Variants in ATP9A observed in about 807,000 individuals in gnomAD.
ATP9A encodes ATPase phospholipid transporting 9A.
Under a neutral mutation model 144.1 loss-of-function variants are expected in ATP9A, and 52 were observed. That is an observed-to-expected ratio of 0.36 (90% CI 0.29 to 0.45). ATP9A has a LOEUF of 0.45. Among genes scored for constraint, ATP9A ranks in the 20% least tolerant of loss-of-function variants. The pLI, the probability that ATP9A is intolerant of heterozygous loss-of-function variation, is 1.00. For synonymous variants in ATP9A, 582 were observed against 557.4 expected (o/e 1.04, Z -0.62); for missense variants, 947 against 1,392.7 (o/e 0.68, Z 5.09).
At chr20:51,669,573 G>A (rs900066903) in intron 13 of ATP9A, among the ~76,000 whole-genome samples, 3 of 152,188 alleles carry the variant, frequency 2.0e-5, no homozygotes, top group Non-Finnish European at 2.9e-5. Flanking sequence ...CAACGTGGTC[G>A]TAAACTTGAA....
chr20:51,667,447 T>A (rs904090281), intron 13 of ATP9A, among the ~76,000 whole-genome samples: 4 of 152,058 alleles, frequency 2.6e-5, no homozygotes, highest in Admixed American at 2.6e-4. Flanking sequence ...GACAATCCAA[T>A]CAATGAGCCC....
At chr20:51,632,746 G>GA (rs1362709240) in intron 15 of ATP9A, among the ~76,000 whole-genome samples, 2 of 151,916 alleles carry the variant, frequency 1.3e-5, no homozygotes, top group Non-Finnish European at 2.9e-5. Context: ...CAGAAAATGA[G>GA]AAAAAAATAG....
chr20:51,744,356 G>T (rs6063706), intron 1 of ATP9A, among the ~76,000 whole-genome samples: 34,185 of 151,882 alleles, frequency 0.23, 4,186 homozygotes, highest in Non-Finnish European at 0.27. Context: ...AGTAGAGATG[G>T]GGTTTCACCA....
intron 14 of ATP9A, among the ~76,000 whole-genome samples, chr20:51,650,954 A>G (rs1215439147): frequency 6.6e-6 from 1 of 151,402 alleles, no homozygotes; most frequent in African/African-American, 2.4e-5. Context: ...AGTCCTACAG[A>G]AATGTGAAAG....
intron 4 of ATP9A, among the ~76,000 whole-genome samples, chr20:51,697,886 C>G (rs1212010360): frequency 1.3e-5 from 2 of 152,170 alleles, no homozygotes; most frequent in African/African-American, 4.8e-5. Flanking sequence ...TAACTAATTC[C>G]AAATGACTGA....
chr20:51,659,621 A>G (rs2077402986), intron 13 of ATP9A, among the ~76,000 whole-genome samples: 2 of 152,230 alleles, frequency 1.3e-5, no homozygotes, highest in Non-Finnish European at 2.9e-5. Flanking sequence ...ACCAGATTCT[A>G]CATTCTATTA....
Position 51,676,501 on chromosome 20 carries a change from G to A in ATP9A, c.800-293C>T, listed in dbSNP as rs187836487. On this transcript the variant is annotated intron_variant, in intron 9 of 27. Transcript: ENST00000338821. ...TTTTGGGTTTGTTTTGTTTTGAGGC[G>A]GAGTTTTACTCTTGTTCCCCAGGCT... Among the ~76,000 whole-genome samples, 130 of 152,100 alleles carry A rather than the reference G, an allele frequency of 8.5e-4. 1 individual carries two copies. The Middle Eastern group carries it at 0.01, about 12-fold the overall frequency.
intron 4 of ATP9A, among the ~76,000 whole-genome samples, chr20:51,699,004 A>G (rs1458205312): frequency 2.0e-5 from 3 of 152,188 alleles, no homozygotes; most frequent in Admixed American, 6.5e-5. Flanking sequence ...TCTTGTAACA[A>G]GCCCATGTAA....
At chr20:51,731,488 C>T (rs950868221) in intron 1 of ATP9A, among the ~76,000 whole-genome samples, 2 of 151,878 alleles carry the variant, frequency 1.3e-5, no homozygotes, top group African/African-American at 2.4e-5. Flanking sequence ...GAGGCCGAGG[C>T]AGGCGGAGGT....
intron 3 of ATP9A, among the ~76,000 whole-genome samples, chr20:51,717,633 G>A (rs1272832124): frequency 6.6e-6 from 1 of 152,058 alleles, no homozygotes; most frequent in Non-Finnish European, 1.5e-5. Flanking sequence ...AGTAGGGGCA[G>A]AGAAGGCCTC....
At chr20:51,601,438 G>A (rs2077142677) in intron 27 of ATP9A, 91 bp from the exon 28 acceptor site, 2 of 1,326,556 alleles carry the variant, frequency 1.5e-6, no homozygotes, top group Admixed American at 5.5e-5. Context: ...CTATCAAAGG[G>A]AAAGTCATCT....
intron 14 of ATP9A, among the ~76,000 whole-genome samples, chr20:51,652,375 C>T (rs534003933): frequency 2.8e-4 from 42 of 152,346 alleles, no homozygotes; most frequent in African/African-American, 9.4e-4. Flanking sequence ...GGAAATGAAT[C>T]CTACGCCAAC....
chr20:51,723,188 G>C (rs1176757798), intron 3 of ATP9A, among the ~76,000 whole-genome samples: 2 of 152,066 alleles, frequency 1.3e-5, no homozygotes, highest in Non-Finnish European at 2.9e-5. Flanking sequence ...CTAATATGTG[G>C]GAGCTAAGCT....
intron 1 of ATP9A, among the ~76,000 whole-genome samples, chr20:51,745,189 C>G (rs1210965303): frequency 6.6e-6 from 1 of 151,722 alleles, no homozygotes; most frequent in Admixed American, 6.6e-5. Flanking sequence ...ATTGCTTGAA[C>G]CCGAGAGGCA....
rs1017551790 is a variant in ATP9A, at chr20:51,671,262, G to A, written c.1038-5C>T. The stretch of plus-strand genomic sequence containing the variant: ...ATGTCCAGGTTCACACGCAAACTAG[G>A]CACAAAACCAGAGCAAACAGGCTAA... On this transcript the variant is annotated splice_polypyrimidine_tract_variant and splice_region_variant and intron_variant, in intron 11 of 27. Coordinates refer to ENST00000338821, the MANE Select transcript of ATP9A (RefSeq NM_006045.3). 2.5e-6 allele frequency: 4 copies of A among 1,611,306 alleles called. No homozygotes were observed. The highest frequency in any genetic ancestry group is 3.4e-6 in the Non-Finnish European group (4 of 1,177,652).
At chr20:51,658,428 C>A (rs60282351) in intron 13 of ATP9A, among the ~76,000 whole-genome samples, 1 of 151,132 alleles carries the variant, frequency 6.6e-6, no homozygotes, top group Non-Finnish European at 1.5e-5. Flanking sequence ...TCCTGAGAAA[C>A]CCGCTCAGCA....
In ATP9A at chr20:51,713,144, G is replaced by A. The variant is rs559532148; in HGVS notation, c.328-70C>T. ...CTGCTGCAGCCAACCGTCCCCTCCT[G>A]GTGCCAGGGGCAGGAAAGGCGAGAG... On this transcript the variant is annotated intron_variant, in intron 3 of 27. Transcript: ENST00000338821. 7.7e-6 allele frequency: 11 copies of A among 1,422,554 alleles called. No homozygotes were observed. The East Asian group carries it at 2.2e-4, about 29-fold the overall frequency. The allele number at this position is 1,422,554 out of a possible 1,614,324, so 88.1% of individuals were successfully genotyped here. A position where few individuals can be genotyped will look rare whatever the true frequency, so the allele number is the denominator to read the frequency against.
intron 15 of ATP9A, among the ~76,000 whole-genome samples, chr20:51,636,660 C>G (rs758708161): frequency 6.6e-6 from 1 of 152,228 alleles, no homozygotes; most frequent in Non-Finnish European, 1.5e-5. Context: ...CAGCTCCCCT[C>G]AATTCCAGCT....
At chr20:51,697,559 C>T (rs1281129468) in intron 4 of ATP9A, 77 bp from the exon 5 acceptor site, 1 of 1,371,016 alleles carries the variant, frequency 7.3e-7, no homozygotes, top group Non-Finnish European at 1.0e-6. Context: ...AGTGCCCAGC[C>T]TGCAAACACA....
Sources: gnomAD v4.1 joint callset for allele counts (sites outside exome capture counted in the v4.1 genomes callset) on GRCh38, gnomAD v4.1.1 for gene constraint, MANE v1.5 for transcripts, NCBI Gene and HGNC (gene_info 2026-07-23, HGNC 2026-07-21) for gene names.